CFAP299: variants seen among roughly 807,000 people sequenced by gnomAD.
CFAP299 encodes the protein cilia- and flagella-associated protein 299.
A neutral mutation model predicts 27.0 loss-of-function variants in CFAP299; 21 were observed. The ratio of observed to expected loss-of-function variants is 0.78; its 90% CI spans 0.55 to 1.12. CFAP299 has a LOEUF of 1.12. CFAP299 is among the 50% of genes most tolerant of loss of function. The probability of loss-of-function intolerance (pLI) is 0.00; values close to 1 mark genes in which losing one functional copy is unlikely to be tolerated. For synonymous variants in CFAP299, 104 were observed against 98.1 expected (o/e 1.06, Z -0.36); for missense variants, 310 against 276.6 (o/e 1.12, Z -0.86).
intron 4 of CFAP299, among the ~76,000 whole-genome samples, chr4:80,932,413 A>G (rs1401187797): frequency 1.3e-5 from 2 of 152,152 alleles, no homozygotes; most frequent in African/African-American, 2.4e-5. Context: ...TCATATTCCT[A>G]TCAACCCAAA....
At chr4:80,375,808 C>T (rs1474402645) in intron 2 of CFAP299, among the ~76,000 whole-genome samples, 1 of 152,174 alleles carries the variant, frequency 6.6e-6, no homozygotes, top group Non-Finnish European at 1.5e-5. Flanking sequence ...TTACTCAGTG[C>T]TTTGTGTGGG....
At chr4:80,832,926 G>C (rs1176295105) in intron 3 of CFAP299, among the ~76,000 whole-genome samples, 1 of 151,982 alleles carries the variant, frequency 6.6e-6, no homozygotes, top group East Asian at 1.9e-4. Context: ...AAAATTCCTA[G>C]TTATTTTTTA....
intron 2 of CFAP299, among the ~76,000 whole-genome samples, chr4:80,385,834 G>C (rs1724945031): frequency 6.6e-6 from 1 of 152,254 alleles, no homozygotes; most frequent in Non-Finnish European, 1.5e-5. Flanking sequence ...TGGAGGCAGA[G>C]TGGGCGGAAC....
At chr4:80,356,049 G>A (rs1723259083) in intron 1 of CFAP299, among the ~76,000 whole-genome samples, 1 of 151,264 alleles carries the variant, frequency 6.6e-6, no homozygotes, top group African/African-American at 2.4e-5. Context: ...TCAATTTTCT[G>A]CTTATGGCTA....
intron 2 of CFAP299, chr4:80,388,475 G>T (rs1029023968): frequency 8.6e-7 from 1 of 1,158,488 alleles, no homozygotes; most frequent in Non-Finnish European, 1.3e-6. Flanking sequence ...GTCCAGGTCG[G>T]GGGCATTTCT....
intron 3 of CFAP299, among the ~76,000 whole-genome samples, chr4:80,598,689 A>G (rs1219123315): frequency 1.3e-5 from 2 of 152,202 alleles, no homozygotes; most frequent in African/African-American, 4.8e-5. Flanking sequence ...AATACCAGAT[A>G]CTATAGGATT....
chr4:80,828,117 T>A (rs1387825596), intron 3 of CFAP299, among the ~76,000 whole-genome samples: 2 of 152,024 alleles, frequency 1.3e-5, no homozygotes, highest in Admixed American at 6.6e-5. Context: ...GTTCGTATTA[T>A]GGAAGACAAT....
At chr4:80,573,756 A>G (rs559655077) in intron 2 of CFAP299, among the ~76,000 whole-genome samples, 1 of 152,292 alleles carries the variant, frequency 6.6e-6, no homozygotes, top group East Asian at 1.9e-4. Flanking sequence ...TTTATAAAAA[A>G]TGAATGCACT....
chr4:80,671,684 G>A (rs189802000), intron 3 of CFAP299, among the ~76,000 whole-genome samples: 5 of 152,240 alleles, frequency 3.3e-5, no homozygotes, highest in Middle Eastern at 3.4e-3. Context: ...GCAGTAGTTT[G>A]TAATTCTCCT....
intron 1 of CFAP299, among the ~76,000 whole-genome samples, chr4:80,347,077 C>G (rs1722767854): frequency 6.6e-6 from 1 of 152,058 alleles, no homozygotes; most frequent in Admixed American, 6.6e-5. Flanking sequence ...CTCTGTTTGT[C>G]TGTTATTGGT....
chr4:80,948,573 G>A (rs1473019192), intron 5 of CFAP299, among the ~76,000 whole-genome samples: 2 of 151,886 alleles, frequency 1.3e-5, no homozygotes, highest in African/African-American at 4.8e-5. Flanking sequence ...CACTAACCAT[G>A]GGATAGTTTG....
intron 3 of CFAP299, among the ~76,000 whole-genome samples, chr4:80,638,189 C>T (rs1739548221): frequency 6.6e-6 from 1 of 152,150 alleles, no homozygotes; most frequent in Non-Finnish European, 1.5e-5. Context: ...CAAGTAACTT[C>T]AACTTCCTGC....
intron 4 of CFAP299, among the ~76,000 whole-genome samples, chr4:80,879,198 G>T (rs377419550): frequency 1.3e-5 from 2 of 152,058 alleles, no homozygotes; most frequent in Admixed American, 6.6e-5. Context: ...CCTATTCTTG[G>T]AGTACATGTA....
At chr4:80,593,385 C>T (rs1364490658) in intron 3 of CFAP299, among the ~76,000 whole-genome samples, 2 of 152,202 alleles carry the variant, frequency 1.3e-5, no homozygotes, top group African/African-American at 2.4e-5. Flanking sequence ...GGGATTGCTA[C>T]TCCTCTTCAT....
chr4:80,752,391 A>AAT (rs1205726869), intron 3 of CFAP299, among the ~76,000 whole-genome samples: 1 of 146,650 alleles, frequency 6.8e-6, no homozygotes, highest in East Asian at 2.0e-4. Context: ...TTGTACTCTA[A>AAT]ATATATATAT....
chr4:80,527,381 T>C (rs1031771650), intron 2 of CFAP299, among the ~76,000 whole-genome samples: 7 of 152,136 alleles, frequency 4.6e-5, no homozygotes, highest in African/African-American at 1.7e-4. Flanking sequence ...TAACTGCATT[T>C]TTCATCACAA....
chr4:80,898,813 A>AT (rs1389422619), intron 4 of CFAP299, among the ~76,000 whole-genome samples: 2 of 152,078 alleles, frequency 1.3e-5, no homozygotes, highest in African/African-American at 4.8e-5. Context: ...GACTTAAACA[A>AT]TTTTTTAGGT....
intron 3 of CFAP299, among the ~76,000 whole-genome samples, chr4:80,824,774 A>G (rs1211947021): frequency 2.0e-5 from 3 of 152,146 alleles, no homozygotes; most frequent in African/African-American, 7.2e-5. Flanking sequence ...CAAAAAACAA[A>G]CAAAAACAAA....
In CFAP299 at chr4:80,358,335, A is replaced by G. The variant is rs537458298; in HGVS notation, c.112-4419A>G. ...TCTGTTATTTTGGGGTAGAGAGTAG[A>G]TATTTATCAGTTCCACTTGATTTAA... On this transcript the variant is annotated intron_variant, in intron 1 of 5. Coordinates refer to ENST00000358105, the MANE Select transcript of CFAP299 (RefSeq NM_152770.3). 5.7e-4 allele frequency among the ~76,000 whole-genome samples: 87 copies of G among 151,936 alleles called. 1 individual carries two copies. Among genetic ancestry groups the G allele is most frequent in the African/African-American group, 2.0e-3 (85 of 41,490 alleles).
Sources: gnomAD v4.1 joint callset for allele counts (sites outside exome capture counted in the v4.1 genomes callset) on GRCh38, gnomAD v4.1.1 for gene constraint, MANE v1.5 for transcripts, NCBI Gene and HGNC (gene_info 2026-07-23, HGNC 2026-07-21) for gene names.